The following PLCB1 variants were observed in gnomAD, a reference collection of about 807,000 sequenced individuals.
The protein encoded by PLCB1 is phospholipase C beta 1, also known as 1-phosphatidylinositol 4,5-bisphosphate phosphodiesterase beta-1.
In PLCB1, 46 loss-of-function variants were observed where a neutral mutation model predicts 161.8. The observed-to-expected ratio is 0.28, with a 90% CI of 0.22 to 0.36. The LOEUF (loss-of-function observed/expected upper bound fraction) is 0.36. Among genes scored for constraint, PLCB1 ranks in the 10% least tolerant of loss-of-function variants. The probability of loss-of-function intolerance (pLI) is 1.00; values close to 1 mark genes in which losing one functional copy is unlikely to be tolerated. For missense variants in PLCB1, 1,016 were observed against 1,472.5 expected (o/e 0.69, Z 5.07); for synonymous variants, 517 against 503.7 (o/e 1.03, Z -0.35).
intron 3 of PLCB1, among the ~76,000 whole-genome samples, chr20:8,382,591 G>A (rs1987293211): frequency 6.8e-6 from 1 of 147,580 alleles, no homozygotes. Flanking sequence ...TGCCACCCAG[G>A]CTGGAGTACA....
chr20:8,811,951 G>A (rs192290466), intron 31 of PLCB1, among the ~76,000 whole-genome samples: 249 of 152,294 alleles, frequency 1.6e-3, no homozygotes, highest in Non-Finnish European at 3.0e-3. Flanking sequence ...CAGCAAGGTC[G>A]AGTCATAGCT....
chr20:8,239,402 A>T (rs1980492429), intron 2 of PLCB1, among the ~76,000 whole-genome samples: 1 of 152,024 alleles, frequency 6.6e-6, no homozygotes, highest in African/African-American at 2.4e-5. Context: ...GCTTTTGTAA[A>T]GTCACCATCC....
At chr20:8,442,895 CTT>C (rs1223653586) in intron 3 of PLCB1, among the ~76,000 whole-genome samples, 2 of 151,818 alleles carry the variant, frequency 1.3e-5, no homozygotes, top group Non-Finnish European at 2.9e-5. Context: ...CTTGGAAAGA[CTT>C]AGCAAAGCCC....
intron 2 of PLCB1, among the ~76,000 whole-genome samples, chr20:8,284,562 A>T (rs1983024500): frequency 6.6e-6 from 1 of 152,010 alleles, no homozygotes; most frequent in Admixed American, 6.6e-5. Flanking sequence ...ACATAGCAAG[A>T]CTCTGTCTCT....
In PLCB1 at chr20:8,199,114, G is replaced by A. The variant is rs1471864076; in HGVS notation, c.177+48743G>A. ...GTGTGTGTGTGTATAGTGTATACTTGCTTTTAATAATAGATATATTTTCCT... is the reference window on the plus strand; with the variant it reads ...GTGTGTGTGTGTATAGTGTATACTTACTTTTAATAATAGATATATTTTCCT... On this transcript the variant is annotated intron_variant, in intron 2 of 31. Coordinates refer to ENST00000338037, the MANE Select transcript of PLCB1 (RefSeq NM_015192.4). Among the ~76,000 whole-genome samples the A allele has an allele frequency of 2.0e-5, 3 of 151,966 alleles. No individual in the cohort carries two copies. In the East Asian group the frequency reaches 5.8e-4, roughly 29 times the overall value.
chr20:8,205,105 G>C (rs944516427), intron 2 of PLCB1, among the ~76,000 whole-genome samples: 5 of 152,052 alleles, frequency 3.3e-5, no homozygotes, highest in African/African-American at 1.2e-4. Flanking sequence ...CGAAAAGACA[G>C]AGTGAAAAAA....
chr20:8,331,434 T>C (rs1398541134), intron 2 of PLCB1, among the ~76,000 whole-genome samples: 1 of 152,224 alleles, frequency 6.6e-6, no homozygotes, highest in East Asian at 1.9e-4. Flanking sequence ...TTTTGTTTTA[T>C]GCCAGTCTGC....
At chr20:8,681,084 GTGTATA>G (rs1190332776) in intron 9 of PLCB1, among the ~76,000 whole-genome samples, 4 of 39,792 alleles carry the variant, frequency 1.0e-4, no homozygotes, top group African/African-American at 4.9e-4. Context: ...ATATGTGTGT[GTGTATA>G]TATATATATA....
chr20:8,686,449 T>A (rs993106831), intron 10 of PLCB1, among the ~76,000 whole-genome samples: 1 of 152,224 alleles, frequency 6.6e-6, no homozygotes, highest in Non-Finnish European at 1.5e-5. Context: ...TTACGAATAA[T>A]CTTTTGAGTC....
intron 3 of PLCB1, among the ~76,000 whole-genome samples, chr20:8,415,853 C>T (rs766150701): frequency 1.1e-4 from 17 of 152,140 alleles, no homozygotes; most frequent in Non-Finnish European, 1.9e-4. Context: ...AGGGCAACAC[C>T]ATGAATCTGG....
intron 2 of PLCB1, among the ~76,000 whole-genome samples, chr20:8,277,727 T>C (rs1982653783): frequency 2.0e-5 from 3 of 152,160 alleles, no homozygotes; most frequent in African/African-American, 7.2e-5. Context: ...AAGAGAAATA[T>C]GGATTTAAAA....
At chr20:8,693,122 C>T (rs1168013405) in intron 10 of PLCB1, among the ~76,000 whole-genome samples, 2 of 152,148 alleles carry the variant, frequency 1.3e-5, no homozygotes, top group Non-Finnish European at 2.9e-5. Context: ...GCCTCCCTAC[C>T]TGGATGGTAA....
At chr20:8,503,281 C>T (rs1568701994) in intron 3 of PLCB1, among the ~76,000 whole-genome samples, 3 of 152,198 alleles carry the variant, frequency 2.0e-5, no homozygotes, top group Admixed American at 2.0e-4. Context: ...GCATTCAGAT[C>T]TCTAAGGATA....
intron 3 of PLCB1, among the ~76,000 whole-genome samples, chr20:8,518,335 G>A (rs1264218019): frequency 6.6e-6 from 1 of 152,070 alleles, no homozygotes; most frequent in Non-Finnish European, 1.5e-5. Flanking sequence ...TTCTCTCCCA[G>A]CTTCAGCAAT....
intron 2 of PLCB1, among the ~76,000 whole-genome samples, chr20:8,362,747 T>C (rs1338820221): frequency 6.6e-6 from 1 of 152,232 alleles, no homozygotes; most frequent in African/African-American, 2.4e-5. Context: ...AGACACAGCC[T>C]CTGAAAACTA....
chr20:8,301,459 T>C lies in PLCB1; in HGVS notation c.178-69923T>C, dbSNP rs189910475. ...ACAGCATTAGTACAATTGAATACAA[T>C]TGCAAGGAATCAAGGGGATTATAAA... On this transcript the variant is annotated intron_variant, in intron 2 of 31. Coordinates refer to ENST00000338037, the MANE Select transcript of PLCB1 (RefSeq NM_015192.4). Among the ~76,000 whole-genome samples, 29 of 152,244 alleles carry C rather than the reference T, an allele frequency of 1.9e-4. No individual in the cohort carries two copies. In the East Asian group the frequency reaches 3.7e-3, roughly 19 times the overall value.
intron 25 of PLCB1, among the ~76,000 whole-genome samples, chr20:8,764,650 A>C (rs1484960634): frequency 6.6e-6 from 1 of 152,132 alleles, no homozygotes; most frequent in African/African-American, 2.4e-5. Context: ...GCCTCCCTGC[A>C]CTGAATGTTC....
chr20:8,659,244 A>C (rs541941059), intron 9 of PLCB1, among the ~76,000 whole-genome samples: 1 of 152,340 alleles, frequency 6.6e-6, no homozygotes, highest in Admixed American at 6.5e-5. Context: ...AAAAATTGAT[A>C]GCCCAAAGAC....
At chr20:8,672,761 G>A (rs1342700797) in intron 9 of PLCB1, among the ~76,000 whole-genome samples, 1 of 152,038 alleles carries the variant, frequency 6.6e-6, no homozygotes, top group African/African-American at 2.4e-5. Flanking sequence ...ACTTGCTACT[G>A]AGCTCAGAAA....
Sources: gnomAD v4.1 joint callset for allele counts (sites outside exome capture counted in the v4.1 genomes callset) on GRCh38, gnomAD v4.1.1 for gene constraint, MANE v1.5 for transcripts, NCBI Gene and HGNC (gene_info 2026-07-23, HGNC 2026-07-21) for gene names.